The following ZFPM2 variants were observed in gnomAD, a reference collection of about 807,000 sequenced individuals.
ZFPM2 encodes zinc finger protein ZFPM2.
ZFPM2 carries 20 observed loss-of-function variants against 98.6 expected under a neutral mutation model. That is an observed-to-expected ratio of 0.20 (90% CI 0.14 to 0.29). The LOEUF is 0.29. ZFPM2 is among the 10% of genes least tolerant of loss of function. The pLI, the probability that ZFPM2 is intolerant of heterozygous loss-of-function variation, is 1.00. For missense variants in ZFPM2, 1,310 were observed against 1,388.6 expected, an observed-to-expected ratio of 0.94 and a Z score of 0.90; for synonymous variants, 518 against 502.7, an observed-to-expected ratio of 1.03 and a Z score of -0.41.
intron 3 of ZFPM2, among the ~76,000 whole-genome samples, chr8:105,470,166 C>T (rs1397086719): frequency 2.0e-5 from 3 of 152,198 alleles, no homozygotes; most frequent in Non-Finnish European, 2.9e-5. Flanking sequence ...CCTCTTCCCC[C>T]TCTACCTCCT....
chr8:105,454,727 C>A (rs901633664), intron 3 of ZFPM2, among the ~76,000 whole-genome samples: 1 of 152,112 alleles, frequency 6.6e-6, no homozygotes, highest in African/African-American at 2.4e-5. Context: ...GTCTTCCCTT[C>A]GTCCACTATT....
At chr8:105,482,342 T>C (rs941642859) in intron 3 of ZFPM2, among the ~76,000 whole-genome samples, 2 of 152,190 alleles carry the variant, frequency 1.3e-5, no homozygotes, top group African/African-American at 2.4e-5. Context: ...TTTTCTTTTT[T>C]AGATGTACTT....
intron 5 of ZFPM2, among the ~76,000 whole-genome samples, chr8:105,759,003 T>C (rs1812674550): frequency 6.6e-6 from 1 of 152,102 alleles, no homozygotes; most frequent in Non-Finnish European, 1.5e-5. Context: ...AGTTGGAGTT[T>C]AGGTAGGTGG....
chr8:105,715,092 T>G (rs1035912009), intron 5 of ZFPM2, among the ~76,000 whole-genome samples: 2 of 151,944 alleles, frequency 1.3e-5, no homozygotes, highest in Non-Finnish European at 2.9e-5. Flanking sequence ...AACCGTAGAT[T>G]GGCTATGGAA....
chr8:105,547,112 G>A (rs1267070780), intron 3 of ZFPM2, among the ~76,000 whole-genome samples: 1 of 151,954 alleles, frequency 6.6e-6, no homozygotes, highest in African/African-American at 2.4e-5. Flanking sequence ...CTTTGCAATG[G>A]CAAATCATTA....
At chr8:105,581,249 GA>G (rs1205105596) in intron 4 of ZFPM2, among the ~76,000 whole-genome samples, 1 of 152,082 alleles carries the variant, frequency 6.6e-6, no homozygotes. Flanking sequence ...TAGTCATTGA[GA>G]AATAAATAAT....
At chr8:105,590,904 T>C (rs1243860547) in intron 4 of ZFPM2, among the ~76,000 whole-genome samples, 1 of 152,210 alleles carries the variant, frequency 6.6e-6, no homozygotes, top group Non-Finnish European at 1.5e-5. Flanking sequence ...GGTATAGTTC[T>C]GCCATAGTAT....
intron 4 of ZFPM2, among the ~76,000 whole-genome samples, chr8:105,567,761 G>T (rs1815270506): frequency 6.6e-6 from 1 of 151,928 alleles, no homozygotes; most frequent in African/African-American, 2.4e-5. Flanking sequence ...TACATAATCG[G>T]TATTCAATAA....
At chr8:105,328,277 T>G (rs1670681135) in intron 1 of ZFPM2, among the ~76,000 whole-genome samples, 1 of 151,984 alleles carries the variant, frequency 6.6e-6, no homozygotes, top group Non-Finnish European at 1.5e-5. Flanking sequence ...ATTAATGGAA[T>G]GCTTATATTC....
chr8:105,401,628 A>G (rs1248315460), intron 1 of ZFPM2, among the ~76,000 whole-genome samples: 1 of 152,074 alleles, frequency 6.6e-6, no homozygotes, highest in South Asian at 2.1e-4. Flanking sequence ...GAGTTTTACC[A>G]GTTGTTTTGA....
At chr8:105,508,389 G>T (rs1437741240) in intron 3 of ZFPM2, among the ~76,000 whole-genome samples, 1 of 152,088 alleles carries the variant, frequency 6.6e-6, no homozygotes. Context: ...CAGTTTATCA[G>T]CTTCTGACCA....
intron 5 of ZFPM2, among the ~76,000 whole-genome samples, chr8:105,770,656 C>T (rs2131090214): frequency 6.6e-6 from 1 of 152,184 alleles, no homozygotes; most frequent in African/African-American, 2.4e-5. Context: ...AGTAAGTAAA[C>T]TCTTCTGTTC....
intron 1 of ZFPM2, among the ~76,000 whole-genome samples, chr8:105,402,152 A>C (rs531141577): frequency 2.0e-5 from 3 of 152,126 alleles, no homozygotes; most frequent in African/African-American, 7.2e-5. Context: ...CAGTATTATC[A>C]GCCTTTCTAT....
intron 3 of ZFPM2, among the ~76,000 whole-genome samples, chr8:105,550,134 A>G (rs1231644707): frequency 6.6e-6 from 1 of 152,064 alleles, no homozygotes; most frequent in Non-Finnish European, 1.5e-5. Flanking sequence ...GAACTCTGAC[A>G]CTCACATCAT....
chr8:105,688,343 A>C (rs958715441), intron 5 of ZFPM2, among the ~76,000 whole-genome samples: 1 of 152,154 alleles, frequency 6.6e-6, no homozygotes, highest in Non-Finnish European at 1.5e-5. Flanking sequence ...AAAAAATAAA[A>C]GGGAAATGTA....
At chr8:105,543,775 C>A (rs1053518459) in intron 3 of ZFPM2, among the ~76,000 whole-genome samples, 3 of 152,100 alleles carry the variant, frequency 2.0e-5, no homozygotes, top group African/African-American at 4.8e-5. Context: ...TTTATTAAAT[C>A]CTTCATTTTA....
intron 1 of ZFPM2, among the ~76,000 whole-genome samples, chr8:105,375,410 A>C (rs1810705308): frequency 6.6e-6 from 1 of 152,152 alleles, no homozygotes; most frequent in African/African-American, 2.4e-5. Flanking sequence ...GGAAGGGAAA[A>C]GATAGGCAAA....
Position 105,561,482 on chromosome 8 carries a change from G to T in ZFPM2, c.420+1G>T. On this transcript the variant is annotated splice_donor_variant, in intron 4 of 7. Coordinates refer to ENST00000407775, the MANE Select transcript of ZFPM2 (RefSeq NM_012082.4). LOFTEE classifies it high-confidence loss of function. ...GATGGACTTGAATAATAATTCTTTG[G>T]TATGTGGATATTCCGAGATGGTTAA... 1 of 1,603,098 alleles carries T rather than the reference G, an allele frequency of 6.2e-7. No individual in the cohort carries two copies. Among genetic ancestry groups the T allele is most frequent in the Admixed American group, 1.7e-5 (1 of 59,386 alleles).
chr8:105,657,567 C>T (rs1360217608), intron 5 of ZFPM2, among the ~76,000 whole-genome samples: 1 of 152,142 alleles, frequency 6.6e-6, no homozygotes, highest in Non-Finnish European at 1.5e-5. Context: ...ATCTAGCCTT[C>T]TATACAGATC....
Sources: allele counts gnomAD v4.1 joint callset (sites outside exome capture counted in the v4.1 genomes callset), GRCh38; gene constraint gnomAD v4.1.1; transcripts MANE v1.5; gene names NCBI Gene and HGNC (gene_info 2026-07-23, HGNC 2026-07-21).